The following RAG2 variants were observed in gnomAD, a reference collection of about 807,000 sequenced individuals.
RAG2 encodes V(D)J recombination-activating protein 2.
A neutral mutation model predicts 31.8 loss-of-function variants in RAG2; 16 were observed. That is an observed-to-expected ratio of 0.50 (90% confidence interval 0.34 to 0.76). RAG2 has a LOEUF of 0.76. Ranked by LOEUF, RAG2 falls within the 30% of genes least tolerant of loss-of-function variation. The pLI is 0.01. For synonymous variants in RAG2, 199 were observed against 215.9 expected, an observed-to-expected ratio of 0.92 and a Z score of 0.68; for missense variants, 622 against 628.5, an observed-to-expected ratio of 0.99 and a Z score of 0.11.
At position 36,593,837 on chromosome 11, in the gene RAG2, G is replaced by C; in HGVS notation, c.332C>G (p.Ser111Cys). Residue 111 changes from serine to cysteine, a missense_variant, in exon 2 of 2, where the codon TCT becomes TGT. Ser to Cys is a moderately radical substitution (Grantham distance 112, BLOSUM62 -1). Transcript: ENST00000311485. The part of the protein sequence containing the change: ...NEVSDKIYVM[S>C]IVCKNNKKVT... ...CTTTTTGTTGTTCTTGCAAACAATA[G>C]ACATGACATAAATCTTATCTGAAAC... is the stretch of plus-strand genomic sequence containing the variant. The C allele has an allele frequency of 1.2e-6, 2 of 1,614,182 alleles. No homozygotes were observed. Among genetic ancestry groups the C allele is most frequent in the Non-Finnish European group, 1.7e-6 (2 of 1,180,022 alleles).
Position 36,594,118 on chromosome 11 carries a change from T to C in RAG2, c.51A>G (p.Pro17=), listed in dbSNP as rs569058130. Residue 17 remains proline, a synonymous_variant, in exon 2 of 2, where the codon CCA becomes CCG. Coordinates refer to ENST00000311485, the MANE Select transcript of RAG2 (RefSeq NM_000536.4). ...CATCAAAATTCATCAGTGAGAAGCC[T>C]GGCTGAATTAAGGCTATGTTATTAC... ...TVSNNIALIQ[P]GFSLMNFDGQ... is the part of the protein sequence containing the mutation. 6.2e-7 allele frequency: 1 copy of C among 1,614,152 alleles called. No homozygotes were observed. Among genetic ancestry groups the C allele is most frequent in the African/African-American group, 1.3e-5 (1 of 75,054 alleles).
chr11:36,592,859 T>A lies in RAG2; in HGVS notation c.1310A>T (p.Glu437Val). 6.2e-7 allele frequency: 1 copy of A among 1,614,036 alleles called. No individual in the cohort carries two copies. The highest frequency in any genetic ancestry group is 8.5e-7 in the Non-Finnish European group (1 of 1,180,008). ...INTWVPFYST[E>V]LNKPAMIYCS... ...GTAGATCATGGCGGGTTTGTTGAGC[T>A]CAGTTGAATAGAATGGTACCCAAGT... Residue 437 changes from glutamate (E) to valine (V), a missense_variant, in exon 2 of 2, where the codon GAG becomes GTG. Transcript: ENST00000311485.
chr11:36,594,148 T>C lies in RAG2; in HGVS notation c.21A>G (p.Thr7=). 4 of 1,611,976 alleles carry C rather than the reference T, an allele frequency of 2.5e-6. No individual in the cohort carries two copies. Among genetic ancestry groups the C allele is most frequent in the Non-Finnish European group, 2.5e-6 (3 of 1,178,052 alleles). Residue 7 remains threonine (T), a synonymous_variant, in exon 2 of 2, where the codon ACA becomes ACG. Coordinates refer to ENST00000311485, the MANE Select transcript of RAG2 (RefSeq NM_000536.4). MSLQMV[T]VSNNIALIQP... is the part of the protein sequence containing the mutation. Reference sequence around the variant, plus strand: ...GAATTAAGGCTATGTTATTACTGACTGTTACCATCTGCAGAGACATAGTTT... The same window carrying C: ...GAATTAAGGCTATGTTATTACTGACCGTTACCATCTGCAGAGACATAGTTT...
In RAG2 at chr11:36,594,208, TA is replaced by T. The variant is rs1851111749; in HGVS notation, c.-27-14del. The T allele has an allele frequency of 1.4e-6, 2 of 1,434,928 alleles. No individual in the cohort carries two copies. Among genetic ancestry groups the T allele is most frequent in the Non-Finnish European group, 9.8e-7 (1 of 1,018,072 alleles). The allele number at this position is 1,434,928 out of a possible 1,614,324, so 88.9% of individuals were successfully genotyped here. A position where few individuals can be genotyped will look rare whatever the true frequency, so the allele number is the denominator to read the frequency against. On this transcript the variant is annotated splice_polypyrimidine_tract_variant and intron_variant, in intron 1 of 1. Transcript: ENST00000311485. ...CGTAGATTTTTGTCTGAAAGAATTA[TA>T]AAATAAAATGACTTAGAGATCGCTT...
chr11:36,591,355 A>C (rs577108862), downstream of RAG2, among the ~76,000 whole-genome samples: 12 of 152,198 alleles, frequency 7.9e-5, no homozygotes, highest in African/African-American at 2.9e-4. Flanking sequence ...GAGGAGTAAG[A>C]GTCTTCACTG....
rs1851090044 is a variant in RAG2 at position 36,593,734 on chromosome 11, C to T, written c.435G>A (p.Val145=). 3 of 1,614,198 alleles carry T rather than the reference C, an allele frequency of 1.9e-6. No individual in the cohort carries two copies. The highest frequency in any genetic ancestry group is 3.3e-4 in the Middle Eastern group (2 of 6,062). ...EARYGHSINV[V]YSRGKSMGVL... ...CACCCATACTTTTCCCTCGGCTGTA[C>T]ACCACATTAATGGAATGACCATATC... Residue 145 remains valine, a synonymous_variant, in exon 2 of 2, where the codon GTG becomes GTA. Transcript: ENST00000311485.
rs1346815619 is a variant in RAG2, at chr11:36,592,823, C to T, written c.1346G>A (p.Gly449Glu). ...NKPAMIYCSH[G>E]DGHWVHAQCM... ...CTGAGCATGGACCCAGTGCCCATCC[C>T]CATGAGAGCAGTAGATCATGGCGGG... The change falls in exon 2 of 2, where the codon GGG becomes GAG. Residue 449 changes from glycine to glutamate, a missense_variant. Transcript: ENST00000311485. 4.3e-6 allele frequency: 7 copies of T among 1,613,970 alleles called. No homozygotes were observed. The highest frequency in any genetic ancestry group is 1.3e-5 in the African/African-American group (1 of 74,880).
rs918106600 is a variant in RAG2, at chr11:36,593,904, G to A, written c.265C>T (p.His89Tyr). ...TFKGSLESEKHQYIIHGGKTP... is the reference protein window; with the variant it reads ...TFKGSLESEKYQYIIHGGKTP... ...TTCCCTCCATGGATGATGTATTGAT[G>A]CTTTTCAGACTCCAAGCTGCCTTTG... Residue 89 changes from histidine (H) to tyrosine (Y), a missense_variant, in exon 2 of 2, where the codon CAT (histidine) becomes TAT (tyrosine). By Grantham distance (83) the His-to-Tyr change is moderately conservative (BLOSUM62 2). Transcript: ENST00000311485. The A allele has an allele frequency of 1.9e-6, 3 of 1,614,216 alleles. No homozygotes were observed. The highest frequency in any genetic ancestry group is 2.5e-6 in the Non-Finnish European group (3 of 1,180,040).
intron 1 of RAG2, among the ~76,000 whole-genome samples, chr11:36,595,975 ATATTT>A (rs1228642939): frequency 1.3e-5 from 2 of 152,176 alleles, no homozygotes; most frequent in African/African-American, 4.8e-5. Context: ...AAGATAGTTA[ATATTT>A]TATTCTTCTT....
At position 36,593,489 on chromosome 11, in the gene RAG2, T is replaced by G; in HGVS notation, c.680A>C (p.Asn227Thr). The change falls in exon 2 of 2, where the codon AAT becomes ACT. Residue 227 changes from asparagine (N) to threonine (T), a missense_variant. By Grantham distance (65) the Asn-to-Thr change is moderately conservative (BLOSUM62 0). Transcript: ENST00000311485. ...TCTGTACAGGTTGGCAGGCCGGATA[T>G]TATTGGCAAGTGAATGTCCTCCTAA... is the stretch of plus-strand genomic sequence containing the variant. Reference protein sequence around the residue: ...YILGGHSLANNIRPANLYRIR... With the variant: ...YILGGHSLANTIRPANLYRIR... 1 of 1,614,128 alleles carries G rather than the reference T, an allele frequency of 6.2e-7. No homozygotes were observed. The highest frequency in any genetic ancestry group is 2.2e-5 in the East Asian group (1 of 44,884).
Position 36,592,480 on chromosome 11 carries a change from A to G in RAG2, c.*105T>C, listed in dbSNP as rs1851036611. On this transcript the variant is annotated 3_prime_UTR_variant, in exon 2 of 2. Transcript: ENST00000311485. ...TTAATTCATGTAACTAAAAGAAAAC[A>G]TAGGCATTTTAAATAAACAAAAATG... 5 of 1,401,036 alleles carry G rather than the reference A, an allele frequency of 3.6e-6. No homozygotes were observed. The South Asian group carries it at 5.4e-5, about 15-fold the overall frequency. The allele number at this position is 1,401,036 out of a possible 1,614,324, so 86.8% of individuals were successfully genotyped here. A position where few individuals can be genotyped will look rare whatever the true frequency, so the allele number is the denominator to read the frequency against.
rs138857320 is a variant in RAG2 at position 36,593,270 on chromosome 11, C to T, written c.899G>A (p.Arg300His). The change falls in exon 2 of 2, where the codon CGT becomes CAT. Residue 300 changes from arginine to histidine, a missense_variant. Physicochemically the swap from Arg to His is conservative, Grantham distance 29. Transcript: ENST00000311485. ...ISLEDNKIEI[R>H]EMETPDWTPD... ...GGTCCAATCTGGGGTCTCCATCTCA[C>T]GAATTTCTATCTTGTTGTCCTCTAA... 2.1e-4 allele frequency: 340 copies of T among 1,614,176 alleles called. No individual in the cohort carries two copies. The East Asian group carries it at 2.4e-3, about 11-fold the overall frequency.
rs763513886 is a variant in RAG2, at chr11:36,592,845, C to T, written c.1324G>A (p.Ala442Thr). The T allele has an allele frequency of 1.9e-6, 3 of 1,614,080 alleles. No individual in the cohort carries two copies. The highest frequency in any genetic ancestry group is 1.7e-5 in the Admixed American group (1 of 60,012). ...TCCCCATGAGAGCAGTAGATCATGG[C>T]GGGTTTGTTGAGCTCAGTTGAATAG... ...PFYSTELNKPAMIYCSHGDGH... is the reference protein window; with the variant it reads ...PFYSTELNKPTMIYCSHGDGH... The change falls in exon 2 of 2, where the codon GCC becomes ACC. Residue 442 changes from alanine to threonine, a missense_variant. By Grantham distance (58) the Ala-to-Thr change is moderately conservative (BLOSUM62 0). Transcript: ENST00000311485.
In RAG2 at chr11:36,593,647, A is replaced by T; in HGVS notation, c.522T>A (p.Ser174Arg). Residue 174 changes from serine (S) to arginine (R), a missense_variant, in exon 2 of 2, where the codon AGT (serine) becomes AGA (arginine). Ser to Arg is a moderately radical substitution (Grantham distance 110, BLOSUM62 -1). Transcript: ENST00000311485. ...AAACACAGGGCAGGCAGTCAGCTACACTATTCCATTTTTCTGTGGTTCTGT... is the reference window on the plus strand; with the variant it reads ...AAACACAGGGCAGGCAGTCAGCTACTCTATTCCATTTTTCTGTGGTTCTGT... ...STHRTTEKWN[S>R]VADCLPCVFL... 6.2e-7 allele frequency: 1 copy of T among 1,614,172 alleles called. No homozygotes were observed. Among genetic ancestry groups the T allele is most frequent in the Non-Finnish European group, 8.5e-7 (1 of 1,180,024 alleles).
intron 1 of RAG2, among the ~76,000 whole-genome samples, chr11:36,596,226 T>TG (rs201534997): frequency 6.6e-6 from 1 of 150,700 alleles, no homozygotes; most frequent in South Asian, 2.1e-4. Flanking sequence ...TTTTTTGTTT[T>TG]TTTTTTTTTT....
At position 36,593,682 on chromosome 11, in the gene RAG2, G is replaced by T; in HGVS notation, c.487C>A (p.Pro163Thr). ...TTTTCTGTGGTTCTGTGGGTAGAAGGCATGTATGAGCGTCCTCCAAAGAGA... is the reference window on the plus strand; with the variant it reads ...TTTTCTGTGGTTCTGTGGGTAGAAGTCATGTATGAGCGTCCTCCAAAGAGA... ...GVLFGGRSYM[P>T]STHRTTEKWN... Residue 163 changes from proline to threonine, a missense_variant, in exon 2 of 2, where the codon CCT (proline) becomes ACT (threonine). Transcript: ENST00000311485. The T allele has an allele frequency of 6.2e-7, 1 of 1,614,100 alleles. No homozygotes were observed. Among genetic ancestry groups the T allele is most frequent in the African/African-American group, 1.3e-5 (1 of 75,046 alleles).
rs940355144 is a variant in RAG2, at chr11:36,592,202, T to A, written c.*383A>T. 45 of 221,626 alleles carry A rather than the reference T, an allele frequency of 2.0e-4. No individual in the cohort carries two copies. The highest frequency in any genetic ancestry group is 1.9e-3 in the Middle Eastern group (1 of 526). 13.7% of individuals were successfully genotyped at this position (221,626 alleles called of 1,614,324 possible). The stretch of plus-strand genomic sequence containing the variant: ...AATTTAATTCTTTTGGGTGTTAATT[T>A]CTTTATTGGCTAAATTTGTCATAAA... On this transcript the variant is annotated 3_prime_UTR_variant, in exon 2 of 2. Transcript: ENST00000311485.
At chr11:36,597,932 A>G (rs1477026009) in intron 1 of RAG2, among the ~76,000 whole-genome samples, 170 bp downstream of exon 1, 1 of 152,154 alleles carries the variant, frequency 6.6e-6, no homozygotes, top group Non-Finnish European at 1.5e-5. Flanking sequence ...AAGCAGCCAG[A>G]GAACAGAAAG....
chr11:36,593,708 AC>A lies in RAG2; in HGVS notation c.460del (p.Val154PhefsTer22). 1 of 1,614,182 alleles carries A rather than the reference AC, an allele frequency of 6.2e-7. No homozygotes were observed. Among genetic ancestry groups the A allele is most frequent in the Non-Finnish European group, 8.5e-7 (1 of 1,180,016 alleles). On this transcript the variant is annotated frameshift_variant, in exon 2 of 2. Transcript: ENST00000311485. LOFTEE classifies it high-confidence loss of function. ...CATGTATGAGCGTCCTCCAAAGAGAACACCCATACTTTTCCCTCGGCTGTAC... is the reference window on the plus strand; with the variant it reads ...CATGTATGAGCGTCCTCCAAAGAGAAACCCATACTTTTCCCTCGGCTGTAC... ...VVYSRGKSMGVLFGGRSYMPS... is the reference protein window; with the variant it reads ...VVYSRGKSMGXLFGGRSYMPS...
Sources: allele counts gnomAD v4.1 joint callset (sites outside exome capture counted in the v4.1 genomes callset), GRCh38; gene constraint gnomAD v4.1.1; transcripts MANE v1.5; gene names NCBI Gene and HGNC (gene_info 2026-07-23, HGNC 2026-07-21).